Variants in RBM20 observed in about 807,000 individuals in gnomAD.
RBM20 encodes RNA binding motif protein 20.
A neutral mutation model predicts 110.1 loss-of-function variants in RBM20; 51 were observed. The ratio of observed to expected loss-of-function variants is 0.46; its 90% CI spans 0.37 to 0.59. RBM20 has a LOEUF of 0.59. Among genes scored for constraint, RBM20 ranks in the 20% least tolerant of loss-of-function variants. RBM20 has a pLI of 0.00. For synonymous variants in RBM20, 589 were observed against 618.2 expected, an observed-to-expected ratio of 0.95 and a Z score of 0.70; for missense variants, 1,512 against 1,574.9, an observed-to-expected ratio of 0.96 and a Z score of 0.68.
At chr10:110,776,368 C>T (rs934431437) in intron 1 of RBM20, among the ~76,000 whole-genome samples, 5 of 152,228 alleles carry the variant, frequency 3.3e-5, no homozygotes, top group Non-Finnish European at 5.9e-5. Flanking sequence ...CTTATAATAA[C>T]ATACATGTAT....
rs1180187299 is a variant in RBM20, at chr10:110,725,339, C to T, written c.192-55462C>T. Among the ~76,000 whole-genome samples the T allele has an allele frequency of 2.0e-5, 3 of 152,320 alleles. No homozygotes were observed. The East Asian group carries it at 5.8e-4, about 29-fold the overall frequency. ...TTTTATGAACATCCTGAAACCCATCCATGGACCCTTGTGGGGGACCTGTAG... is the reference window on the plus strand; with the variant it reads ...TTTTATGAACATCCTGAAACCCATCTATGGACCCTTGTGGGGGACCTGTAG... On this transcript the variant is annotated intron_variant, in intron 1 of 13. Transcript: ENST00000369519.
chr10:110,821,420 C>G lies in RBM20; in HGVS notation c.2801C>G (p.Pro934Arg). The change falls in exon 11 of 14, where the codon CCC (proline) becomes CGC (arginine). Residue 934 changes from proline to arginine, a missense_variant. Coordinates refer to ENST00000369519, the MANE Select transcript of RBM20 (RefSeq NM_001134363.3). ...PDIPELEEIV[P>R]IDQKDKICPE... is the part of the protein sequence containing the mutation. ...ATCCCAGAGCTGGAAGAAATTGTGC[C>G]CATTGACCAGAAAGACAAAATTTGC... The G allele has an allele frequency of 6.4e-7, 1 of 1,551,704 alleles. No individual in the cohort carries two copies.
intron 1 of RBM20, among the ~76,000 whole-genome samples, chr10:110,664,679 G>C (rs1862151983): frequency 1.3e-5 from 2 of 152,040 alleles, no homozygotes; most frequent in Non-Finnish European, 2.9e-5. Context: ...CCTGGGAGGT[G>C]GAGGTTGCAG....
chr10:110,787,604 T>TA (rs1303999755), intron 5 of RBM20, among the ~76,000 whole-genome samples: 1 of 152,256 alleles, frequency 6.6e-6, no homozygotes. Context: ...CCCATGGATG[T>TA]ACTTTTAAAT....
At chr10:110,771,153 G>T (rs906219478) in intron 1 of RBM20, among the ~76,000 whole-genome samples, 3 of 151,816 alleles carry the variant, frequency 2.0e-5, no homozygotes, top group Middle Eastern at 3.4e-3. Context: ...ATTTTTTTTT[G>T]GTTTTTTTTG....
rs552764104 is a variant in RBM20, at chr10:110,799,065, C to A, written c.1669-722C>A. On this transcript the variant is annotated intron_variant, in intron 6 of 13. Coordinates refer to ENST00000369519, the MANE Select transcript of RBM20 (RefSeq NM_001134363.3). ...ACATAATCGGGAAGTTTTCCTTTTT[C>A]TTTAACTCACAACAACATGGCCTTC... is the stretch of plus-strand genomic sequence containing the variant. Among the ~76,000 whole-genome samples, 118 of 152,288 alleles carry A rather than the reference C, an allele frequency of 7.7e-4. 2 individuals are homozygous for A. The South Asian group carries it at 1.0e-2, about 13-fold the overall frequency.
chr10:110,838,310 T>TG lies in RBM20; in HGVS notation c.*2337dup, dbSNP rs1357929069. 6.6e-6 allele frequency: 1 copy of TG among 152,168 alleles called. No individual in the cohort carries two copies. Among genetic ancestry groups the TG allele is most frequent in the Non-Finnish European group, 1.5e-5 (1 of 68,030 alleles). The allele number at this position is 152,168 out of a possible 1,614,324, so 9.4% of individuals were successfully genotyped here. On this transcript the variant is annotated 3_prime_UTR_variant, in exon 14 of 14. Coordinates refer to ENST00000369519, the MANE Select transcript of RBM20 (RefSeq NM_001134363.3). ...AATTTTATCTTTTGAGAAGACCATA[T>TG]GGGGGCTGCTGAAAAGTTGGTATCT... is the stretch of plus-strand genomic sequence containing the variant.
Position 110,820,122 on chromosome 10 carries a change from C to A in RBM20, c.2601C>A (p.Gly867=). The A allele has an allele frequency of 1.3e-6, 2 of 1,551,346 alleles. No homozygotes were observed. Among genetic ancestry groups the A allele is most frequent in the Non-Finnish European group, 8.7e-7 (1 of 1,146,766 alleles). Residue 867 remains glycine, a synonymous_variant, in exon 10 of 14, where the codon GGC becomes GGA. Coordinates refer to ENST00000369519, the MANE Select transcript of RBM20 (RefSeq NM_001134363.3). ...TGGAAGAAAGCCCTCAATCAGTGGG[C>A]AGACAGGAGAAAGAAGCAGAGTTCT... ...EGMEESPQSV[G]RQEKEAEFSD...
intron 1 of RBM20, among the ~76,000 whole-genome samples, chr10:110,696,242 G>A (rs1005787971): frequency 2.6e-5 from 4 of 152,192 alleles, no homozygotes; most frequent in South Asian, 2.1e-4. Context: ...CAAGAGAATC[G>A]CATTTTAAAT....
chr10:110,740,166 C>T (rs536864072), intron 1 of RBM20, among the ~76,000 whole-genome samples: 11 of 152,334 alleles, frequency 7.2e-5, no homozygotes, highest in African/African-American at 2.4e-4. Flanking sequence ...TCTGAAAGAG[C>T]ACTGTTTAGA....
At chr10:110,693,477 G>T (rs991583659) in intron 1 of RBM20, among the ~76,000 whole-genome samples, 3 of 151,840 alleles carry the variant, frequency 2.0e-5, no homozygotes, top group Admixed American at 2.0e-4. Context: ...CTTCTTCATG[G>T]GTCAGTTTTG....
intron 11 of RBM20, chr10:110,822,335 G>A (rs1590702341): frequency 2.3e-6 from 1 of 439,202 alleles, no homozygotes; most frequent in Non-Finnish European, 4.5e-6. Flanking sequence ...AAGAGTAGGG[G>A]ATACAAGAAA....
chr10:110,768,461 T>C (rs1844140370), intron 1 of RBM20, among the ~76,000 whole-genome samples: 1 of 152,238 alleles, frequency 6.6e-6, no homozygotes, highest in Non-Finnish European at 1.5e-5. Flanking sequence ...TTATATGGCT[T>C]ATTTATAAAG....
At chr10:110,771,967 A>G (rs1019689485) in intron 1 of RBM20, among the ~76,000 whole-genome samples, 2 of 152,220 alleles carry the variant, frequency 1.3e-5, no homozygotes, top group East Asian at 3.8e-4. Flanking sequence ...TTCCATTACA[A>G]AAGACTCAGA....
intron 1 of RBM20, among the ~76,000 whole-genome samples, chr10:110,700,494 C>A (rs892075258): frequency 6.6e-6 from 1 of 152,166 alleles, no homozygotes; most frequent in East Asian, 1.9e-4. Flanking sequence ...ACCAGAGGGA[C>A]ATTTCTCATC....
intron 12 of RBM20, among the ~76,000 whole-genome samples, chr10:110,828,573 C>T (rs547752936): frequency 1.3e-5 from 2 of 152,322 alleles, no homozygotes; most frequent in East Asian, 3.9e-4. Flanking sequence ...TTATTAACAG[C>T]TTCTGTGATG....
At chr10:110,816,247 A>G (rs1844836795) in intron 9 of RBM20, among the ~76,000 whole-genome samples, 1 of 151,166 alleles carries the variant, frequency 6.6e-6, no homozygotes, top group African/African-American at 2.4e-5. Context: ...TGATTTCAAC[A>G]CCCCAACCTG....
intron 6 of RBM20, 97 bp from the exon 7 acceptor site, chr10:110,799,690 T>C (rs1434418573): frequency 1.6e-6 from 2 of 1,254,366 alleles, no homozygotes; most frequent in Non-Finnish European, 2.2e-6. Flanking sequence ...GTTTTGCCTG[T>C]TCTTGAACTT....
intron 5 of RBM20, among the ~76,000 whole-genome samples, chr10:110,787,411 A>G (rs1844432302): frequency 6.6e-6 from 1 of 152,220 alleles, no homozygotes; most frequent in African/African-American, 2.4e-5. Flanking sequence ...GTTCTTGAGT[A>G]ACGAGCGCTT....
Sources: gnomAD v4.1 joint callset for allele counts (sites outside exome capture counted in the v4.1 genomes callset) on GRCh38, gnomAD v4.1.1 for gene constraint, MANE v1.5 for transcripts, NCBI Gene and HGNC (gene_info 2026-07-23, HGNC 2026-07-21) for gene names.